Variants in PIK3CB observed in about 807,000 individuals in gnomAD.
PIK3CB encodes phosphatidylinositol-4,5-bisphosphate 3-kinase catalytic subunit beta.
Under a neutral mutation model 136.8 loss-of-function variants are expected in PIK3CB, and 39 were observed. That is an observed-to-expected ratio of 0.29 (90% CI 0.22 to 0.37). The LOEUF (loss-of-function observed/expected upper bound fraction) is 0.37, where lower values mean the gene tolerates loss of function less well. PIK3CB is among the 10% of genes least tolerant of loss of function. PIK3CB has a pLI of 1.00. For missense variants in PIK3CB, 868 were observed against 1,275.4 expected (o/e 0.68, Z 4.87); for synonymous variants, 428 against 436.6 (o/e 0.98, Z 0.25).
In PIK3CB at chr3:138,694,882, G is replaced by T. The variant is rs1003057226; in HGVS notation, c.1796C>A (p.Pro599His). The T allele has an allele frequency of 6.2e-7, 1 of 1,608,556 alleles. No individual in the cohort carries two copies. The change falls in exon 14 of 24, where the codon CCT (proline) becomes CAT (histidine). Residue 599 changes from proline to histidine, a missense_variant. Coordinates refer to ENST00000674063, the MANE Select transcript of PIK3CB (RefSeq NM_006219.3). ...TAGGGCCTCCCGGGGGGGCAGTTTA[G>T]GCCAAATCTGAAGCAGCGCCTGAAG... ...AQLQALLQIWPKLPPREALEL... is the reference protein window; with the variant it reads ...AQLQALLQIWHKLPPREALEL...
At chr3:138,763,604 G>A (rs2045691067) in intron 2 of PIK3CB, among the ~76,000 whole-genome samples, 1 of 152,058 alleles carries the variant, frequency 6.6e-6, no homozygotes, top group Non-Finnish European at 1.5e-5. Context: ...ACTAATAAAA[G>A]AGCATGAAAC....
chr3:138,693,936 A>AATATATATAT (rs1179221176), intron 14 of PIK3CB, among the ~76,000 whole-genome samples: 5 of 64,618 alleles, frequency 7.7e-5, no homozygotes, highest in Admixed American at 2.5e-4. Context: ...ATTTGCTTAA[A>AATATATATAT]ATATATATAT....
intron 12 of PIK3CB, among the ~76,000 whole-genome samples, chr3:138,700,063 A>C (rs1331721868): frequency 1.3e-5 from 2 of 152,166 alleles, no homozygotes; most frequent in Non-Finnish European, 1.5e-5. Context: ...AATTAAAAAA[A>C]AATTTTTAAA....
chr3:138,742,827 T>A, intron 4 of PIK3CB, 46 bp from the exon 5 acceptor site: 2 of 1,010,786 alleles, frequency 2.0e-6, no homozygotes, highest in South Asian at 1.6e-5. Context: ...CTAACAATAA[T>A]AAAAGAATAT....
chr3:138,772,353 C>T (rs1273491045), intron 2 of PIK3CB, among the ~76,000 whole-genome samples: 1 of 152,284 alleles, frequency 6.6e-6, no homozygotes, highest in Non-Finnish European at 1.5e-5. Flanking sequence ...ACAGTTTATA[C>T]ACTCTTTTAA....
chr3:138,688,864 C>T lies in PIK3CB; in HGVS notation c.2136+11G>A. 1.9e-6 allele frequency: 3 copies of T among 1,565,056 alleles called. No individual in the cohort carries two copies. The highest frequency in any genetic ancestry group is 2.6e-6 in the Non-Finnish European group (3 of 1,137,296). Reference sequence around the variant, plus strand: ...AAAAAGAAAAAATGAATAAATAAAACAAGCTGATACCTGCTTAGAAAGCAC... The same window carrying T: ...AAAAAGAAAAAATGAATAAATAAAATAAGCTGATACCTGCTTAGAAAGCAC... On this transcript the variant is annotated intron_variant, in intron 16 of 23. Transcript: ENST00000674063.
intron 21 of PIK3CB, among the ~76,000 whole-genome samples, chr3:138,659,535 T>C (rs1336737730): frequency 6.6e-6 from 1 of 151,820 alleles, no homozygotes; most frequent in Non-Finnish European, 1.5e-5. Context: ...AAAAAAAAGT[T>C]TGGTTATCGA....
chr3:138,735,017 C>G (rs1239905512), intron 6 of PIK3CB, among the ~76,000 whole-genome samples: 1 of 148,760 alleles, frequency 6.7e-6, no homozygotes, highest in Non-Finnish European at 1.5e-5. Flanking sequence ...GACACGATCA[C>G]AGCTCACTGC....
At chr3:138,724,166 G>A (rs891205490) in intron 8 of PIK3CB, among the ~76,000 whole-genome samples, 1 of 152,132 alleles carries the variant, frequency 6.6e-6, no homozygotes, top group African/African-American at 2.4e-5. Flanking sequence ...GTTATTATTT[G>A]TACTTGTGAT....
At chr3:138,738,340 T>A (rs1441950520) in intron 5 of PIK3CB, among the ~76,000 whole-genome samples, 2 of 152,056 alleles carry the variant, frequency 1.3e-5, no homozygotes, top group Non-Finnish European at 2.9e-5. Flanking sequence ...CCTGGCTAAT[T>A]TTTTGTATCT....
At chr3:138,679,432 A>T (rs2043716864) in intron 19 of PIK3CB, among the ~76,000 whole-genome samples, 1 of 152,114 alleles carries the variant, frequency 6.6e-6, no homozygotes, top group Non-Finnish European at 1.5e-5. Context: ...AAATATTAGG[A>T]TTACAAGCAA....
At chr3:138,788,314 C>T (rs1177584553) in intron 2 of PIK3CB, among the ~76,000 whole-genome samples, 1 of 152,160 alleles carries the variant, frequency 6.6e-6, no homozygotes, top group African/African-American at 2.4e-5. Context: ...GTATGATAAA[C>T]ATTCTTTTAA....
chr3:138,796,713 T>G (rs1438414412), intron 1 of PIK3CB, 146 bp from the exon 2 acceptor site: 1 of 152,202 alleles, frequency 6.6e-6, no homozygotes, highest in East Asian at 1.9e-4. Flanking sequence ...TGAAGATCTT[T>G]GCTCTCAGAT....
At chr3:138,810,572 A>T (rs1201499563) in intron 1 of PIK3CB, among the ~76,000 whole-genome samples, 1 of 152,084 alleles carries the variant, frequency 6.6e-6, no homozygotes, top group African/African-American at 2.4e-5. Context: ...ATTGAAAGAC[A>T]TTATGCAAAA....
chr3:138,765,145 C>T (rs558486245), intron 2 of PIK3CB, among the ~76,000 whole-genome samples: 2 of 152,142 alleles, frequency 1.3e-5, no homozygotes, highest in East Asian at 3.9e-4. Context: ...CATGGCGAAA[C>T]CCTGTCTCTA....
At chr3:138,728,833 A>T (rs1423179625) in intron 8 of PIK3CB, among the ~76,000 whole-genome samples, 1 of 152,102 alleles carries the variant, frequency 6.6e-6, no homozygotes, top group African/African-American at 2.4e-5. Flanking sequence ...ATCTCAAAAA[A>T]TGCAGAAAAA....
chr3:138,759,387 A>G, intron 2 of PIK3CB, 28 bp from the exon 3 acceptor site: 1 of 1,534,742 alleles, frequency 6.5e-7, no homozygotes, highest in South Asian at 1.2e-5. Context: ...AAACATAGCA[A>G]AACAACCATC....
chr3:138,663,434 C>T (rs987310945), intron 21 of PIK3CB, among the ~76,000 whole-genome samples: 1 of 152,090 alleles, frequency 6.6e-6, no homozygotes, highest in African/African-American at 2.4e-5. Context: ...CAGGCTGGAG[C>T]ACAGTGAGGC....
chr3:138,741,147 T>C (rs2045235564), intron 5 of PIK3CB, among the ~76,000 whole-genome samples: 1 of 152,254 alleles, frequency 6.6e-6, no homozygotes, highest in Non-Finnish European at 1.5e-5. Flanking sequence ...CTTACTTGTT[T>C]AGAGAAAATG....
Sources: allele counts gnomAD v4.1 joint callset (sites outside exome capture counted in the v4.1 genomes callset), GRCh38; gene constraint gnomAD v4.1.1; transcripts MANE v1.5; gene names NCBI Gene and HGNC (gene_info 2026-07-23, HGNC 2026-07-21).